Variants in MNDA observed in about 807,000 individuals in gnomAD.
The protein encoded by MNDA is epididymis secretory sperm binding protein.
In MNDA, 43 loss-of-function variants were observed where a neutral mutation model predicts 37.8. The ratio of observed to expected loss-of-function variants is 1.14; its 90% CI spans 0.89 to 1.47. The LOEUF is 1.47. Ranked by LOEUF, MNDA falls within the 40% of genes most tolerant of loss-of-function variation. The pLI is 0.00. For synonymous variants in MNDA, 181 were observed against 169.0 expected, an observed-to-expected ratio of 1.07 and a Z score of -0.55; for missense variants, 536 against 476.0, an observed-to-expected ratio of 1.13 and a Z score of -1.17.
At chr1:158,843,184 G>T in intron 2 of MNDA, 95 bp from the exon 3 acceptor site, 1 of 1,452,406 alleles carries the variant, frequency 6.9e-7, no homozygotes, top group Non-Finnish European at 9.2e-7. Flanking sequence ...TCTCATGCAG[G>T]AGCTGACAGC....
At chr1:158,835,875 T>A (rs1243053734) in intron 1 of MNDA, among the ~76,000 whole-genome samples, 1 of 152,034 alleles carries the variant, frequency 6.6e-6, no homozygotes, top group Non-Finnish European at 1.5e-5. Context: ...ATTTTTTGCA[T>A]CAATTGAGAT....
At chr1:158,835,626 GGT>G (rs202199689) in intron 1 of MNDA, among the ~76,000 whole-genome samples, 1 of 102,504 alleles carries the variant, frequency 9.8e-6, no homozygotes, top group Non-Finnish European at 1.9e-5. Context: ...GGGGGCGGGG[GGT>G]GGGTGTTAAA....
Position 158,844,149 on chromosome 1 carries a change from AT to A in MNDA, c.570+36del, listed in dbSNP as rs543739515. The A allele has an allele frequency of 2.7e-3, 3,956 of 1,440,744 alleles. 10 individuals carry two copies. The highest frequency in any genetic ancestry group is 0.019 in the African/African-American group (1,290 of 69,210). The allele number at this position is 1,440,744 out of a possible 1,614,324, so 89.2% of individuals were successfully genotyped here. On this transcript the variant is annotated intron_variant, in intron 4 of 6. Transcript: ENST00000368141. The stretch of plus-strand genomic sequence containing the variant: ...TACACTCTTCCTGGTCCTCTTCTCC[AT>A]TTTTTTTTAACCCAGTCACAGTGCA...
intron 1 of MNDA, among the ~76,000 whole-genome samples, chr1:158,833,286 T>A (rs1337775938): frequency 6.6e-6 from 1 of 152,234 alleles, no homozygotes; most frequent in Non-Finnish European, 1.5e-5. Flanking sequence ...CTGCCAAGCT[T>A]CTGAAAGCTT....
At chr1:158,835,416 G>A (rs535007874) in intron 1 of MNDA, among the ~76,000 whole-genome samples, 12 of 152,006 alleles carry the variant, frequency 7.9e-5, no homozygotes, top group South Asian at 2.1e-4. Flanking sequence ...CGTTGTTAGC[G>A]TATAAAAACA....
intron 3 of MNDA, 40 bp from the exon 4 acceptor site, chr1:158,843,915 A>G: frequency 6.6e-7 from 1 of 1,521,716 alleles, no homozygotes; most frequent in East Asian, 2.3e-5. Context: ...GCTTCTTTTG[A>G]TACTAAACTC....
In MNDA at chr1:158,845,756, T is replaced by A. The variant is rs150733783; in HGVS notation, c.740T>A (p.Phe247Tyr). 1 of 1,614,050 alleles carries A rather than the reference T, an allele frequency of 6.2e-7. No individual in the cohort carries two copies. The highest frequency in any genetic ancestry group is 1.7e-5 in the Admixed American group (1 of 60,002). The change falls in exon 5 of 7, where the codon TTC becomes TAC. Residue 247 changes from phenylalanine (F) to tyrosine (Y), a missense_variant. Coordinates refer to ENST00000368141, the MANE Select transcript of MNDA (RefSeq NM_002432.3). Reference sequence around the variant, plus strand: ...ACAGTGGCCAGTAAGACTCAATATTTCCATGTGAAAGTCTTCGACATCAAC... The same window carrying A: ...ACAGTGGCCAGTAAGACTCAATATTACCATGTGAAAGTCTTCGACATCAAC... The part of the protein sequence containing the change: ...HATVASKTQY[F>Y]HVKVFDINLK...
At position 158,831,357 on chromosome 1, in the gene MNDA, A is replaced by G. The variant is rs1247344934; in HGVS notation, c.-221A>G. Reference sequence around the variant, plus strand: ...TCTAGTTAGGAATTAGGACAGTGTAAGAAGGCCATCTACAATCAAGATTGA... The same window carrying G: ...TCTAGTTAGGAATTAGGACAGTGTAGGAAGGCCATCTACAATCAAGATTGA... On this transcript the variant is annotated 5_prime_UTR_variant, in exon 1 of 7. Coordinates refer to ENST00000368141, the MANE Select transcript of MNDA (RefSeq NM_002432.3). The G allele has an allele frequency of 6.6e-6, 1 of 152,226 alleles. No individual in the cohort carries two copies. The highest frequency in any genetic ancestry group is 1.9e-4 in the East Asian group (1 of 5,206). The allele number at this position is 152,226 out of a possible 1,614,324, so 9.4% of individuals were successfully genotyped here. A position where few individuals can be genotyped will look rare whatever the true frequency, so the allele number is the denominator to read the frequency against.
In MNDA at chr1:158,836,707, T is replaced by G. The variant is rs149925483; in HGVS notation, c.-21+5150T>G. On this transcript the variant is annotated intron_variant, in intron 1 of 6. Transcript: ENST00000368141. ...TTATTGATTTTCTTTATTATTTTTCTAATCTCAATTTTACCTCTAATTTTT... is the reference window on the plus strand; with the variant it reads ...TTATTGATTTTCTTTATTATTTTTCGAATCTCAATTTTACCTCTAATTTTT... Among the ~76,000 whole-genome samples, 956 of 151,860 alleles carry G rather than the reference T, an allele frequency of 6.3e-3. 2 individuals carry two copies. The highest frequency in any genetic ancestry group is 7.7e-3 in the South Asian group (37 of 4,828).
intron 1 of MNDA, among the ~76,000 whole-genome samples, chr1:158,836,811 T>C (rs765312209): frequency 3.3e-5 from 5 of 151,830 alleles, no homozygotes; most frequent in African/African-American, 1.2e-4. Context: ...AGTCAGATTA[T>C]TGATTTGAGA....
In MNDA at chr1:158,842,119, AT is replaced by A. The variant is rs772346748; in HGVS notation, c.-20-10del. The A allele has an allele frequency of 9.6e-6, 15 of 1,567,646 alleles. No individual in the cohort carries two copies. Among genetic ancestry groups the A allele is most frequent in the Middle Eastern group, 2.2e-4 (1 of 4,614 alleles). ...GCATAAATGTGTAATGTTGTGTGTCATTTTTACTTTATAGGCCAAGCTATAA... is the reference window on the plus strand; with the variant it reads ...GCATAAATGTGTAATGTTGTGTGTCATTTTACTTTATAGGCCAAGCTATAA... On this transcript the variant is annotated splice_polypyrimidine_tract_variant and intron_variant, in intron 1 of 6. Transcript: ENST00000368141.
chr1:158,833,323 T>C (rs1024379062), intron 1 of MNDA, among the ~76,000 whole-genome samples: 3 of 152,216 alleles, frequency 2.0e-5, no homozygotes, highest in Admixed American at 6.5e-5. Flanking sequence ...TTTCTTTTAA[T>C]TGTGTTAAGA....
chr1:158,844,044 C>T lies in MNDA; in HGVS notation c.492C>T (p.Ala164=). ...EQSKPPGPSG[A]STSAAVDHPP... is the part of the protein sequence containing the mutation. ...GTAAGCCCCCAGGTCCCTCAGGAGC[C>T]AGCACATCTGCAGCTGTGGATCATC... is the stretch of plus-strand genomic sequence containing the variant. Residue 164 remains alanine (A), a synonymous_variant, in exon 4 of 7, where the codon GCC becomes GCT. Transcript: ENST00000368141. 6.2e-7 allele frequency: 1 copy of T among 1,613,898 alleles called. No homozygotes were observed.
intron 5 of MNDA, among the ~76,000 whole-genome samples, chr1:158,846,601 G>C (rs920078097): frequency 6.6e-6 from 1 of 151,756 alleles, no homozygotes; most frequent in Non-Finnish European, 1.5e-5. Context: ...AAAGGATAAG[G>C]CAATCTCTTC....
chr1:158,839,012 T>G (rs1283892330), intron 1 of MNDA, among the ~76,000 whole-genome samples: 4 of 152,316 alleles, frequency 2.6e-5, no homozygotes, highest in African/African-American at 9.6e-5. Flanking sequence ...CTATTTTCCT[T>G]TAACTCATTT....
At chr1:158,839,799 A>C (rs1384641657) in intron 1 of MNDA, among the ~76,000 whole-genome samples, 1 of 152,186 alleles carries the variant, frequency 6.6e-6, no homozygotes, top group African/African-American at 2.4e-5. Flanking sequence ...CCAATTCTTA[A>C]CAGCTGAAAA....
chr1:158,842,355 C>G lies in MNDA; in HGVS notation c.202C>G (p.Leu68Val). 1 of 1,613,990 alleles carries G rather than the reference C, an allele frequency of 6.2e-7. No individual in the cohort carries two copies. Among genetic ancestry groups the G allele is most frequent in the Non-Finnish European group, 8.5e-7 (1 of 1,179,964 alleles). Reference protein sequence around the residue: ...GVACLDKLIELAKDMPSLKNL... With the variant: ...GVACLDKLIEVAKDMPSLKNL... ...TGCCTGTCTAGACAAACTAATAGAA[C>G]TTGCCAAAGATATGCCATCACTTAA... The change falls in exon 2 of 7, where the codon CTT becomes GTT. Residue 68 changes from leucine (L) to valine (V), a missense_variant. By Grantham distance (32) the Leu-to-Val change is conservative. Transcript: ENST00000368141.
At chr1:158,842,829 T>C in intron 2 of MNDA, 1 of 175,582 alleles carries the variant, frequency 5.7e-6, no homozygotes, top group Non-Finnish European at 1.2e-5. Flanking sequence ...TGTTCTTTTT[T>C]TAATTCAAAA....
In MNDA at chr1:158,849,350, T is replaced by G. The variant is rs185813417; in HGVS notation, c.*113T>G. The G allele has an allele frequency of 1.6e-5, 14 of 881,588 alleles. No individual in the cohort carries two copies. The East Asian group carries it at 4.0e-4, about 25-fold the overall frequency. The allele number at this position is 881,588 out of a possible 1,614,324, so 54.6% of individuals were successfully genotyped here. A position where few individuals can be genotyped will look rare whatever the true frequency, so the allele number is the denominator to read the frequency against. ...TTTAAATGATGTTTCAGTAGATATA[T>G]TCTAGCATATTAAGAGCTTTTATAA... On this transcript the variant is annotated 3_prime_UTR_variant, in exon 7 of 7. Coordinates refer to ENST00000368141, the MANE Select transcript of MNDA (RefSeq NM_002432.3).
Sources: allele counts gnomAD v4.1 joint callset (sites outside exome capture counted in the v4.1 genomes callset), GRCh38; gene constraint gnomAD v4.1.1; transcripts MANE v1.5; gene names NCBI Gene and HGNC (gene_info 2026-07-23, HGNC 2026-07-21).